Variants in MAMDC2 observed in about 807,000 individuals in gnomAD.
The protein encoded by MAMDC2 is MAM domain containing 2, also known as MAM domain-containing protein 2.
MAMDC2 carries 57 observed loss-of-function variants against 89.8 expected under a neutral mutation model. That is an observed-to-expected ratio of 0.63 (90% CI 0.51 to 0.79). The LOEUF (loss-of-function observed/expected upper bound fraction) is 0.79. Among genes scored for constraint, MAMDC2 ranks in the 30% least tolerant of loss-of-function variants. The pLI is 0.00. For missense variants in MAMDC2, 800 were observed against 820.6 expected (o/e 0.97, Z 0.31); for synonymous variants, 313 against 293.4 (o/e 1.07, Z -0.68).
chr9:70,049,765 T>C (rs1826848828), intron 2 of MAMDC2, among the ~76,000 whole-genome samples: 1 of 152,200 alleles, frequency 6.6e-6, no homozygotes, highest in Non-Finnish European at 1.5e-5. Context: ...CAGTATCACA[T>C]GCCATTTCCC....
chr9:70,167,872 C>G (rs1426670056), intron 9 of MAMDC2, among the ~76,000 whole-genome samples: 1 of 152,148 alleles, frequency 6.6e-6, no homozygotes, highest in Non-Finnish European at 1.5e-5. Flanking sequence ...GAACACAGAT[C>G]TTTGTCTTTG....
chr9:70,069,627 G>A (rs1021779541), intron 2 of MAMDC2, among the ~76,000 whole-genome samples: 1 of 152,150 alleles, frequency 6.6e-6, no homozygotes, highest in Non-Finnish European at 1.5e-5. Context: ...ATAGTCCAAA[G>A]TTTGTTTCAA....
intron 12 of MAMDC2, among the ~76,000 whole-genome samples, chr9:70,222,975 C>T (rs1409514190): frequency 6.6e-6 from 1 of 151,928 alleles, no homozygotes; most frequent in Non-Finnish European, 1.5e-5. Flanking sequence ...CCTGTCTCCT[C>T]TAAAAGTACA....
chr9:70,097,116 C>T (rs916885266), intron 2 of MAMDC2, among the ~76,000 whole-genome samples: 2 of 152,122 alleles, frequency 1.3e-5, no homozygotes, highest in African/African-American at 2.4e-5. Context: ...GGCATCTCCC[C>T]AGGCCTCACT....
In MAMDC2 at chr9:70,131,516, C is replaced by A; in HGVS notation, c.901-3C>A. The A allele has an allele frequency of 6.3e-7, 1 of 1,591,198 alleles. No individual in the cohort carries two copies. Among genetic ancestry groups the A allele is most frequent in the Non-Finnish European group, 8.5e-7 (1 of 1,172,308 alleles). ...TGTGACAGCATGCCATTTTCCTCTG[C>A]AGGTTATTTTTGAAGTTGCTTTCAA... On this transcript the variant is annotated splice_polypyrimidine_tract_variant and splice_region_variant and intron_variant, in intron 6 of 13. Transcript: ENST00000377182.
intron 12 of MAMDC2, among the ~76,000 whole-genome samples, chr9:70,223,984 T>C (rs989576164): frequency 3.9e-5 from 6 of 152,154 alleles, no homozygotes; most frequent in Non-Finnish European, 8.8e-5. Flanking sequence ...GGCCAAATCA[T>C]AGACTATTCA....
chr9:70,202,755 T>A (rs1455969842), intron 11 of MAMDC2, among the ~76,000 whole-genome samples: 1 of 151,582 alleles, frequency 6.6e-6, no homozygotes, highest in East Asian at 1.9e-4. Context: ...TAGGTGCATA[T>A]ATATTTAGGA....
intron 9 of MAMDC2, chr9:70,153,302 G>A (rs1563977324): frequency 6.6e-6 from 1 of 152,126 alleles, no homozygotes. Context: ...TGAGGAGAGA[G>A]AACAATTCAG....
intron 5 of MAMDC2, among the ~76,000 whole-genome samples, chr9:70,124,370 T>C (rs181068612): frequency 2.4e-4 from 36 of 152,360 alleles, no homozygotes; most frequent in Admixed American, 1.1e-3. Flanking sequence ...CTCTGAGAAT[T>C]TGAGTTTGTA....
chr9:70,048,922 G>T (rs1018992967), intron 2 of MAMDC2, among the ~76,000 whole-genome samples: 1 of 152,182 alleles, frequency 6.6e-6, no homozygotes, highest in Non-Finnish European at 1.5e-5. Flanking sequence ...GCCACTTGAG[G>T]AGCTGAGGCA....
chr9:70,084,991 A>G (rs1827734900), intron 2 of MAMDC2, among the ~76,000 whole-genome samples: 1 of 152,120 alleles, frequency 6.6e-6, no homozygotes, highest in Non-Finnish European at 1.5e-5. Flanking sequence ...TATTACATCT[A>G]ACAGATACAT....
At chr9:70,208,230 C>T (rs2033272075) in intron 11 of MAMDC2, among the ~76,000 whole-genome samples, 1 of 152,150 alleles carries the variant, frequency 6.6e-6, no homozygotes, top group African/African-American at 2.4e-5. Context: ...GGCAGTATGG[C>T]CATTTTCATG....
At chr9:70,080,225 C>T (rs529470777) in intron 2 of MAMDC2, among the ~76,000 whole-genome samples, 35 of 152,298 alleles carry the variant, frequency 2.3e-4, no homozygotes, top group African/African-American at 7.7e-4. Context: ...ATCAAAGCAG[C>T]GTGCTGCATG....
At chr9:70,178,513 C>G (rs950535700) in intron 11 of MAMDC2, among the ~76,000 whole-genome samples, 2 of 152,278 alleles carry the variant, frequency 1.3e-5, no homozygotes, top group South Asian at 4.1e-4. Context: ...GGGGATACAT[C>G]CAAACCATGG....
At chr9:70,054,509 A>G (rs1217727426) in intron 2 of MAMDC2, among the ~76,000 whole-genome samples, 1 of 152,178 alleles carries the variant, frequency 6.6e-6, no homozygotes, top group Admixed American at 6.5e-5. Flanking sequence ...ACTTCTCAGC[A>G]AAAAAAGTTT....
At chr9:70,158,448 C>T (rs1185671113) in intron 9 of MAMDC2, among the ~76,000 whole-genome samples, 2 of 151,194 alleles carry the variant, frequency 1.3e-5, no homozygotes, top group Non-Finnish European at 2.9e-5. Context: ...TATATATATA[C>T]ATATATGCAT....
chr9:70,122,849 C>T (rs2030347280), intron 5 of MAMDC2, among the ~76,000 whole-genome samples: 1 of 152,046 alleles, frequency 6.6e-6, no homozygotes, highest in Admixed American at 6.6e-5. Flanking sequence ...AGGACGCAAA[C>T]CTGACCCCTG....
chr9:70,055,904 T>C (rs994818159), intron 2 of MAMDC2, among the ~76,000 whole-genome samples: 1 of 152,230 alleles, frequency 6.6e-6, no homozygotes, highest in Non-Finnish European at 1.5e-5. Context: ...CAAATAAATG[T>C]GCTTTTGCAA....
At chr9:70,103,986 T>A (rs1246280304) in intron 2 of MAMDC2, among the ~76,000 whole-genome samples, 9 of 141,500 alleles carry the variant, frequency 6.4e-5, no homozygotes, top group African/African-American at 2.1e-4. Context: ...CGTCTCCATT[T>A]AAAAAAAAAA....
Sources: allele counts gnomAD v4.1 joint callset (sites outside exome capture counted in the v4.1 genomes callset), GRCh38; gene constraint gnomAD v4.1.1; transcripts MANE v1.5; gene names NCBI Gene and HGNC (gene_info 2026-07-23, HGNC 2026-07-21).